The following ROBO1 variants were observed in gnomAD, a reference collection of about 807,000 sequenced individuals.
ROBO1 encodes the protein roundabout guidance receptor 1.
A neutral mutation model predicts 195.9 loss-of-function variants in ROBO1; 149 were observed. The ratio of observed to expected loss-of-function variants is 0.76; its 90% CI spans 0.67 to 0.87. ROBO1 has a LOEUF of 0.87. ROBO1 is among the 40% of genes least tolerant of loss of function. ROBO1 has a pLI of 0.00. For synonymous variants in ROBO1, 816 were observed against 733.2 expected, an observed-to-expected ratio of 1.11 and a Z score of -1.82; for missense variants, 1,933 against 2,068.3, an observed-to-expected ratio of 0.93 and a Z score of 1.27.
At chr3:79,738,394 C>T (rs1040377377) in intron 1 of ROBO1, among the ~76,000 whole-genome samples, 1 of 152,120 alleles carries the variant, frequency 6.6e-6, no homozygotes, top group East Asian at 1.9e-4. Flanking sequence ...CAATGTTGTG[C>T]ATAAAATCTT....
chr3:78,719,839 C>G (rs1317510914), intron 5 of ROBO1, among the ~76,000 whole-genome samples: 5 of 152,128 alleles, frequency 3.3e-5, no homozygotes, highest in African/African-American at 9.7e-5. Flanking sequence ...TATATCTTTT[C>G]TCATATGTGC....
At chr3:78,610,446 T>C (rs1703744703) in intron 28 of ROBO1, among the ~76,000 whole-genome samples, 2 of 152,110 alleles carry the variant, frequency 1.3e-5, no homozygotes, top group Non-Finnish European at 2.9e-5. Context: ...GGGAAAAAAG[T>C]CTAATTCAGA....
Position 79,335,183 on chromosome 3 carries a change from ATATT to A in ROBO1, c.89-209648_89-209645del, listed in dbSNP as rs536214324. The stretch of plus-strand genomic sequence containing the variant: ...ATTTTAGATGTATCAGAATTCAAAA[ATATT>A]TATTATCTGTAGTACAAATTTACTA... On this transcript the variant is annotated intron_variant, in intron 2 of 30. Transcript: ENST00000464233. Among the ~76,000 whole-genome samples, 385 of 152,290 alleles carry A rather than the reference ATATT, an allele frequency of 2.5e-3. 4 individuals carry two copies. The highest frequency in any genetic ancestry group is 8.0e-3 in the African/African-American group (334 of 41,566).
At chr3:79,010,269 A>G (rs1179312783) in intron 3 of ROBO1, among the ~76,000 whole-genome samples, 1 of 152,170 alleles carries the variant, frequency 6.6e-6, no homozygotes, top group Non-Finnish European at 1.5e-5. Flanking sequence ...GTGAAAAGCA[A>G]GAATTCTGAG....
intron 17 of ROBO1, among the ~76,000 whole-genome samples, chr3:78,659,475 A>T (rs555069798): frequency 2.8e-4 from 43 of 152,324 alleles, no homozygotes; most frequent in Admixed American, 1.8e-3. Context: ...TCACCAAGAT[A>T]TATGTGCAAG....
intron 2 of ROBO1, among the ~76,000 whole-genome samples, chr3:79,127,609 C>T (rs1392692832): frequency 6.6e-6 from 1 of 152,126 alleles, no homozygotes; most frequent in Admixed American, 6.6e-5. Context: ...ATTAAATCAG[C>T]GTGTCTACAC....
At chr3:78,819,939 G>A (rs1576230102) in intron 4 of ROBO1, among the ~76,000 whole-genome samples, 1 of 152,144 alleles carries the variant, frequency 6.6e-6, no homozygotes, top group African/African-American at 2.4e-5. Context: ...CCTAAGCTAA[G>A]ATCCATTATC....
At chr3:79,351,433 G>C (rs2035337669) in intron 2 of ROBO1, among the ~76,000 whole-genome samples, 1 of 152,082 alleles carries the variant, frequency 6.6e-6, no homozygotes, top group South Asian at 2.1e-4. Context: ...CAATAATTAA[G>C]TAGCCCACAC....
chr3:79,461,704 A>G (rs1371653191), intron 2 of ROBO1, among the ~76,000 whole-genome samples: 1 of 152,182 alleles, frequency 6.6e-6, no homozygotes, highest in Non-Finnish European at 1.5e-5. Context: ...TTTATTACAC[A>G]GCAATAAGTA....
intron 2 of ROBO1, among the ~76,000 whole-genome samples, chr3:79,478,313 G>C (rs1479937226): frequency 6.6e-6 from 1 of 152,074 alleles, no homozygotes; most frequent in African/African-American, 2.4e-5. Context: ...TCTGATTCTA[G>C]ATGGAAAGCA....
In ROBO1 at chr3:78,656,496, G is replaced by A. The variant is rs189194965; in HGVS notation, c.2614+602C>T. Among the ~76,000 whole-genome samples, 57 of 151,788 alleles carry A rather than the reference G, an allele frequency of 3.8e-4. 1 individual carries two copies. The highest frequency in any genetic ancestry group is 1.3e-3 in the African/African-American group (52 of 41,402). ...CTCCTAAGTAGCTGGGACTACAGGC[G>A]CCCGCCACCACACCCAGCTAGTTTT... On this transcript the variant is annotated intron_variant, in intron 18 of 30. Coordinates refer to ENST00000464233, the MANE Select transcript of ROBO1 (RefSeq NM_002941.4).
chr3:78,986,253 G>C (rs1342209606), intron 3 of ROBO1, among the ~76,000 whole-genome samples: 1 of 152,090 alleles, frequency 6.6e-6, no homozygotes. Flanking sequence ...TGGTGCCCTG[G>C]ATCAGTCCTT....
chr3:78,957,628 A>G (rs2041117320), intron 3 of ROBO1, among the ~76,000 whole-genome samples: 1 of 152,332 alleles, frequency 6.6e-6, no homozygotes, highest in East Asian at 1.9e-4. Context: ...AATAGAGACC[A>G]CAAACCCTGA....
intron 2 of ROBO1, among the ~76,000 whole-genome samples, chr3:79,358,147 A>ATTT (rs2035630606): frequency 6.6e-6 from 1 of 152,094 alleles, no homozygotes; most frequent in East Asian, 1.9e-4. Flanking sequence ...CTTTGCCTCA[A>ATTT]TTTCTTTATC....
intron 4 of ROBO1, among the ~76,000 whole-genome samples, chr3:78,920,836 T>A (rs1451651138): frequency 2.0e-5 from 3 of 151,962 alleles, no homozygotes; most frequent in Non-Finnish European, 2.9e-5. Context: ...TTACTTTTTT[T>A]AAATTTTATT....
At chr3:79,403,138 C>T (rs2037425585) in intron 2 of ROBO1, among the ~76,000 whole-genome samples, 1 of 151,904 alleles carries the variant, frequency 6.6e-6, no homozygotes, top group Non-Finnish European at 1.5e-5. Flanking sequence ...CCCTCTGTTT[C>T]TGTTTTTCTC....
intron 1 of ROBO1, among the ~76,000 whole-genome samples, chr3:79,608,674 G>A (rs1200088409): frequency 6.6e-6 from 1 of 151,690 alleles, no homozygotes; most frequent in Non-Finnish European, 1.5e-5. Flanking sequence ...ATTTATTTTG[G>A]CATCATGTAA....
intron 4 of ROBO1, among the ~76,000 whole-genome samples, chr3:78,884,866 CTGTGTG>C (rs376764608): frequency 1.4e-5 from 2 of 147,182 alleles, no homozygotes; most frequent in East Asian, 2.0e-4. Context: ...CTCTCTCTTT[CTGTGTG>C]TGTGTGTGTG....
At chr3:78,831,736 T>G (rs1300594535) in intron 4 of ROBO1, among the ~76,000 whole-genome samples, 1 of 152,200 alleles carries the variant, frequency 6.6e-6, no homozygotes, top group Non-Finnish European at 1.5e-5. Flanking sequence ...ACTCACAGTT[T>G]CACAAGGCTG....
Sources: allele counts gnomAD v4.1 joint callset (sites outside exome capture counted in the v4.1 genomes callset), GRCh38; gene constraint gnomAD v4.1.1; transcripts MANE v1.5; gene names NCBI Gene and HGNC (gene_info 2026-07-23, HGNC 2026-07-21).